MACF1: variants seen among roughly 807,000 people sequenced by gnomAD.
MACF1 encodes the protein microtubule-actin cross-linking factor 1.
Under a neutral mutation model 854.8 loss-of-function variants are expected in MACF1, and 193 were observed. The ratio of observed to expected loss-of-function variants is 0.23; its 90% CI spans 0.20 to 0.25. MACF1 has a LOEUF of 0.25. Among genes scored for constraint, MACF1 ranks in the 10% least tolerant of loss-of-function variants. MACF1 has a pLI of 1.00. For synonymous variants in MACF1, 3,185 were observed against 3,226.7 expected, an observed-to-expected ratio of 0.99 and a Z score of 0.44; for missense variants, 7,722 against 8,929.1, an observed-to-expected ratio of 0.86 and a Z score of 5.45.
chr1:39,442,916 A>T lies in MACF1; in HGVS notation c.19302+5A>T. 15 of 1,612,560 alleles carry T rather than the reference A, an allele frequency of 9.3e-6. No homozygotes were observed. Among genetic ancestry groups the T allele is most frequent in the Non-Finnish European group, 1.3e-5 (15 of 1,179,208 alleles). Reference sequence around the variant, plus strand: ...CTTCAGTCAACTCTGCAGCAGGTACATGTGACATCCAAGTAAGGTAGGAAG... The same window carrying T: ...CTTCAGTCAACTCTGCAGCAGGTACTTGTGACATCCAAGTAAGGTAGGAAG... On this transcript the variant is annotated splice_donor_5th_base_variant and intron_variant, in intron 78 of 100. Coordinates refer to ENST00000564288, the MANE Select transcript of MACF1 (RefSeq NM_001394062.1).
At chr1:39,209,599 C>G (rs1644492735) in intron 1 of MACF1, among the ~76,000 whole-genome samples, 1 of 151,162 alleles carries the variant, frequency 6.6e-6, no homozygotes, top group African/African-American at 2.4e-5. Flanking sequence ...ATATGAAATA[C>G]AGTCTAAGAT....
chr1:39,296,815 G>GAAGGAAGGAAGGAAAAGAAAGAAAGA (rs1557571540), intron 20 of MACF1, among the ~76,000 whole-genome samples: 2 of 47,664 alleles, frequency 4.2e-5, no homozygotes, highest in Admixed American at 2.1e-4. Context: ...AGAAAGAAAG[G>GAAGGAAGGAAGGAAAAGAAAGAAAGA]AAGGAAGGAA....
At chr1:39,108,114 T>A (rs1642295360) in intron 2 of MACF1, among the ~76,000 whole-genome samples, 1 of 151,966 alleles carries the variant, frequency 6.6e-6, no homozygotes, top group African/African-American at 2.4e-5. Context: ...TGATTCAGCA[T>A]GGAAATAAAT....
Position 39,122,554 on chromosome 1 carries a change from G to C in MACF1, c.220+38116G>C, listed in dbSNP as rs1373026549. Among the ~76,000 whole-genome samples the C allele has an allele frequency of 3.9e-5, 6 of 152,198 alleles. No homozygotes were observed. The East Asian group carries it at 1.2e-3, about 29-fold the overall frequency. On this transcript the variant is annotated intron_variant, in intron 2 of 93. Transcript: ENST00000361689. ...AGGCGTGAGCCACTGTGCTCGGCTG[G>C]TAGTACTGTTAAGCGCTAAGAGCAC...
At chr1:39,235,905 TTG>T (rs912885279) in intron 2 of MACF1, among the ~76,000 whole-genome samples, 4 of 152,090 alleles carry the variant, frequency 2.6e-5, no homozygotes, top group African/African-American at 9.7e-5. Context: ...TGGCTAATTT[TTG>T]TGTGTGTGTT....
intron 17 of MACF1, among the ~76,000 whole-genome samples, chr1:39,293,086 C>T (rs1017234001): frequency 6.6e-6 from 1 of 152,196 alleles, no homozygotes; most frequent in African/African-American, 2.4e-5. Context: ...TATTGTGCTT[C>T]AACAAACGTG....
At chr1:39,102,571 C>T in intron 2 of MACF1, 1 of 598,872 alleles carries the variant, frequency 1.7e-6, no homozygotes, top group East Asian at 2.7e-5. Context: ...GGCGAGATAA[C>T]ACATTAGAGG....
intron 58 of MACF1, among the ~76,000 whole-genome samples, 164 bp downstream of exon 58, chr1:39,388,822 C>T (rs1457027729): frequency 6.7e-6 from 1 of 148,248 alleles, no homozygotes; most frequent in African/African-American, 2.5e-5. Flanking sequence ...TCTCGGACTT[C>T]TGAGCAAACT....
chr1:39,197,591 G>C (rs1461396495), intron 2 of MACF1, among the ~76,000 whole-genome samples: 1 of 152,182 alleles, frequency 6.6e-6, no homozygotes, highest in African/African-American at 2.4e-5. Context: ...GTATTTGTAA[G>C]ACTGTGAAAA....
In MACF1 at chr1:39,347,048, C is replaced by T; in HGVS notation, c.10653C>T (p.Ile3551=). ...DALAFDIQFF[I]SEHAQDLSPQ... The stretch of plus-strand genomic sequence containing the variant: ...TTGCTTTTGATATTCAGTTCTTTAT[C>T]TCAGAACATGCCCAGGACTTGTCCC... Residue 3551 remains isoleucine (I), a synonymous_variant, in exon 41 of 101, where the codon ATC becomes ATT. Transcript: ENST00000564288. The T allele has an allele frequency of 6.2e-7, 1 of 1,614,122 alleles. No homozygotes were observed. The highest frequency in any genetic ancestry group is 8.5e-7 in the Non-Finnish European group (1 of 1,179,978).
intron 2 of MACF1, among the ~76,000 whole-genome samples, chr1:39,154,693 T>C (rs996217441): frequency 6.6e-6 from 1 of 152,012 alleles, no homozygotes; most frequent in African/African-American, 2.4e-5. Context: ...CTGACTCATC[T>C]GGGCTCTGTC....
intron 44 of MACF1, 121 bp downstream of exon 44, chr1:39,353,352 C>T (rs773219627): frequency 1.0e-5 from 7 of 699,742 alleles, no homozygotes; most frequent in Admixed American, 2.9e-5. Flanking sequence ...TCTTTGATGT[C>T]TCAGCAGCTT....
intron 56 of MACF1, among the ~76,000 whole-genome samples, chr1:39,385,197 A>G (rs1650576414): frequency 6.6e-6 from 1 of 152,112 alleles, no homozygotes; most frequent in African/African-American, 2.4e-5. Context: ...CCTCCCGAGT[A>G]GCTGGGACTA....
At chr1:39,234,994 C>T (rs1188966863) in intron 2 of MACF1, among the ~76,000 whole-genome samples, 12 of 151,856 alleles carry the variant, frequency 7.9e-5, no homozygotes, top group South Asian at 2.1e-4. Flanking sequence ...GGATGGCGGC[C>T]GGGCGGAGAC....
intron 23 of MACF1, among the ~76,000 whole-genome samples, chr1:39,306,705 C>T (rs922379580): frequency 1.3e-4 from 19 of 149,596 alleles, no homozygotes; most frequent in African/African-American, 4.7e-4. Context: ...TACTAGATTC[C>T]AAGTCTTATT....
Position 39,458,437 on chromosome 1 carries a change from A to G in MACF1, c.21143A>G (p.Lys7048Arg). The G allele has an allele frequency of 1.2e-6, 2 of 1,614,202 alleles. No homozygotes were observed. Among genetic ancestry groups the G allele is most frequent in the Non-Finnish European group, 1.7e-6 (2 of 1,180,034 alleles). ...CGGGTCACCAAGACATACAAAAGGA[A>G]AAACATAGAGCCTACTCACGCGCCT... ...VDRVTKTYKR[K>R]NIEPTHAPFI... The change falls in exon 90 of 101, where the codon AAA becomes AGA. Residue 7048 changes from lysine to arginine, a missense_variant. By Grantham distance (26) the Lys-to-Arg change is conservative. This residue lies in a region of MACF1 where 729 missense variants were observed against 900.5 expected (regional missense o/e 0.81). Coordinates refer to ENST00000564288, the MANE Select transcript of MACF1 (RefSeq NM_001394062.1).
At chr1:39,455,796 T>A (rs1248472092) in intron 89 of MACF1, among the ~76,000 whole-genome samples, 1 of 152,196 alleles carries the variant, frequency 6.6e-6, no homozygotes, top group East Asian at 1.9e-4. Context: ...CTAAACTGAA[T>A]GGAGGAAAGC....
rs1189207495 is a variant in MACF1, at chr1:39,105,885, G to T, written c.220+21447G>T. Among the ~76,000 whole-genome samples the T allele has an allele frequency of 6.6e-6, 1 of 152,152 alleles. No individual in the cohort carries two copies. Among genetic ancestry groups the T allele is most frequent in the African/African-American group, 2.4e-5 (1 of 41,440 alleles). On this transcript the variant is annotated intron_variant, in intron 2 of 93. Coordinates refer to the MACF1 transcript ENST00000361689. The surrounding 1 kb of genome is among the most constrained non-coding windows in gnomAD (Gnocchi z 5.9). The stretch of plus-strand genomic sequence containing the variant: ...TCGGGGCCAGTTTATTTACAGAGTT[G>T]AGATAAGCCTTCGGAAACCGCCCCC...
intron 26 of MACF1, among the ~76,000 whole-genome samples, chr1:39,314,113 A>G (rs1646357612): frequency 6.6e-6 from 1 of 152,212 alleles, no homozygotes; most frequent in Non-Finnish European, 1.5e-5. Context: ...TAGCAGACAG[A>G]GCTAGAAAAC....
Sources: allele counts gnomAD v4.1 joint callset (sites outside exome capture counted in the v4.1 genomes callset), GRCh38; gene constraint gnomAD v4.1.1; regional missense constraint gnomAD v4.1.1; non-coding constraint Gnocchi (gnomAD v3.1); transcripts MANE v1.5; gene names NCBI Gene and HGNC (gene_info 2026-07-23, HGNC 2026-07-21).